The following ST7L variants were observed in gnomAD, a reference collection of about 807,000 sequenced individuals.
ST7L encodes suppressor of tumorigenicity 7 protein-like.
Under a neutral mutation model 72.5 loss-of-function variants are expected in ST7L, and 57 were observed. That is an observed-to-expected ratio of 0.79 (90% confidence interval 0.64 to 0.98). The LOEUF (loss-of-function observed/expected upper bound fraction) is 0.98. Ranked by LOEUF, ST7L falls within the 50% of genes least tolerant of loss-of-function variation. The pLI is 0.00. For missense variants in ST7L, 576 were observed against 672.2 expected (o/e 0.86, Z 1.58); for synonymous variants, 221 against 240.9 (o/e 0.92, Z 0.77).
At chr1:112,611,115 T>TC in intron 2 of ST7L, 112 bp from the exon 3 acceptor site, 1 of 1,018,092 alleles carries the variant, frequency 9.8e-7, no homozygotes, top group South Asian at 2.0e-5. Context: ...AAATGCACTC[T>TC]CCTTTCAAAA....
At chr1:112,615,515 A>G (rs1669734053) in intron 2 of ST7L, among the ~76,000 whole-genome samples, 3 of 152,162 alleles carry the variant, frequency 2.0e-5, no homozygotes, top group Non-Finnish European at 4.4e-5. Context: ...TGTTGCCAAT[A>G]TTAAAATGCT....
In ST7L at chr1:112,524,017, CAAAAAACAA is replaced by C. The variant is rs1245779204; in HGVS notation, c.*1987_*1995del. On this transcript the variant is annotated 3_prime_UTR_variant, in exon 15 of 15. Transcript: ENST00000358039. ...TCAGATTAAAAAAAAAAACAAAAAA[CAAAAAACAA>C]AAACAAACATTGCCTGGCCCTGAGG... 3 of 151,384 alleles carry C rather than the reference CAAAAAACAA, an allele frequency of 2.0e-5. No individual in the cohort carries two copies. In the East Asian group the frequency reaches 5.8e-4, roughly 30 times the overall value. The allele number at this position is 151,384 out of a possible 1,614,324, so 9.4% of individuals were successfully genotyped here. A position where few individuals can be genotyped will look rare whatever the true frequency, so the allele number is the denominator to read the frequency against.
At chr1:112,603,657 GC>G (rs1667773827) in intron 3 of ST7L, among the ~76,000 whole-genome samples, 1 of 152,148 alleles carries the variant, frequency 6.6e-6, no homozygotes, top group African/African-American at 2.4e-5. Flanking sequence ...AGCTCAGGCT[GC>G]CGTAACAAAA....
chr1:112,585,487 A>G (rs1664731500), intron 6 of ST7L, among the ~76,000 whole-genome samples: 1 of 152,246 alleles, frequency 6.6e-6, no homozygotes, highest in African/African-American at 2.4e-5. Flanking sequence ...TCATGCCTGT[A>G]ATCCCAGCAC....
intron 3 of ST7L, among the ~76,000 whole-genome samples, chr1:112,609,522 G>A (rs1356479191): frequency 7.5e-6 from 1 of 133,016 alleles, no homozygotes; most frequent in African/African-American, 2.9e-5. Context: ...CAGAGACTTC[G>A]TCTCAAAAAA....
rs189470945 is a variant in ST7L, at chr1:112,587,830, G to A, written c.701+3695C>T. On this transcript the variant is annotated intron_variant, in intron 6 of 14. Coordinates refer to ENST00000358039, the MANE Select transcript of ST7L (RefSeq NM_017744.5). ...GCAGTTCTGTATGAATTATAGGATC[G>A]CCTTGTCCATTTCTGCAGAAATGAT... 2.8e-4 allele frequency among the ~76,000 whole-genome samples: 43 copies of A among 152,184 alleles called. 1 individual carries two copies. The East Asian group carries it at 7.4e-3, about 26-fold the overall frequency.
chr1:112,559,926 C>T (rs143964087), intron 11 of ST7L, among the ~76,000 whole-genome samples: 2 of 151,604 alleles, frequency 1.3e-5, no homozygotes, highest in East Asian at 3.9e-4. Context: ...TGCAGTGAGC[C>T]GAGATCGTGC....
intron 13 of ST7L, among the ~76,000 whole-genome samples, chr1:112,545,242 T>G (rs1380046848): frequency 1.3e-5 from 2 of 151,738 alleles, no homozygotes; most frequent in Admixed American, 1.3e-4. Context: ...CTCTCCTACC[T>G]TCTGGAGTTT....
At chr1:112,549,150 T>C (rs552082663) in intron 13 of ST7L, among the ~76,000 whole-genome samples, 1 of 152,230 alleles carries the variant, frequency 6.6e-6, no homozygotes, top group Admixed American at 6.5e-5. Context: ...CCCAGCACTT[T>C]AGGAGGCTGA....
Position 112,567,330 on chromosome 1 carries a change from TTG to T in ST7L, c.1245+9654_1245+9655del, listed in dbSNP as rs544308654. 2.1e-4 allele frequency among the ~76,000 whole-genome samples: 32 copies of T among 152,298 alleles called. No individual in the cohort carries two copies. In the South Asian group the frequency reaches 6.6e-3, roughly 32 times the overall value. ...CAAGGCTTTTGCCCATTTTTTAATA[TTG>T]TGTTTTTTTATATGTATATATTTTG... is the stretch of plus-strand genomic sequence containing the variant. On this transcript the variant is annotated intron_variant, in intron 11 of 14. Transcript: ENST00000358039.
chr1:112,519,872 CT>C (rs71081244), downstream of ST7L, among the ~76,000 whole-genome samples: 22,712 of 115,412 alleles, frequency 0.2, 1,658 homozygotes, highest in East Asian at 0.42. Flanking sequence ...GCCCATGCTT[CT>C]TTTTTTTTTT....
Position 112,588,075 on chromosome 1 carries a change from T to C in ST7L, c.701+3450A>G, listed in dbSNP as rs540243443. 3.9e-5 allele frequency among the ~76,000 whole-genome samples: 6 copies of C among 152,354 alleles called. No homozygotes were observed. The South Asian group carries it at 6.2e-4, about 16-fold the overall frequency. ...CTGATGCTTTTGTAAATGGAATTGTTTTCTTAATTTCCTTTTCAGATTGTT... is the reference window on the plus strand; with the variant it reads ...CTGATGCTTTTGTAAATGGAATTGTCTTCTTAATTTCCTTTTCAGATTGTT... On this transcript the variant is annotated intron_variant, in intron 6 of 14. Transcript: ENST00000358039.
At chr1:112,568,773 G>T (rs1458199552) in intron 11 of ST7L, among the ~76,000 whole-genome samples, 1 of 149,012 alleles carries the variant, frequency 6.7e-6, no homozygotes. Flanking sequence ...ACTTCGGGAA[G>T]CTGAGGCAGG....
intron 1 of ST7L, among the ~76,000 whole-genome samples, chr1:112,617,717 T>TCTCA (rs3221199): frequency 4.4e-4 from 56 of 126,488 alleles, no homozygotes; most frequent in East Asian, 1.0e-3. Context: ...TTTCTCTCTC[T>TCTCA]CACACACACA....
intron 12 of ST7L, among the ~76,000 whole-genome samples, chr1:112,553,980 A>G (rs1467133087): frequency 6.6e-6 from 1 of 152,190 alleles, no homozygotes; most frequent in Non-Finnish European, 1.5e-5. Context: ...TCAGCCTCCC[A>G]AAGTGCTGAA....
intron 9 of ST7L, among the ~76,000 whole-genome samples, chr1:112,579,370 C>T (rs1417601218): frequency 2.8e-5 from 3 of 105,616 alleles, no homozygotes; most frequent in South Asian, 3.3e-4. Context: ...GGTGACAGTA[C>T]GAGACTCTGT....
intron 11 of ST7L, among the ~76,000 whole-genome samples, chr1:112,557,351 C>T (rs545663026): frequency 2.0e-5 from 3 of 152,222 alleles, no homozygotes; most frequent in East Asian, 3.9e-4. Context: ...CATTTTGTGA[C>T]TGGTTTCTTT....
At chr1:112,568,877 TATATATATATAA>T (rs1054269168) in intron 11 of ST7L, among the ~76,000 whole-genome samples, 4 of 140,064 alleles carry the variant, frequency 2.9e-5, no homozygotes, top group South Asian at 4.5e-4. Flanking sequence ...TATATATATA[TATATATATATAA>T]AACAAAAATT....
Position 112,541,335 on chromosome 1 carries a change from T to C in ST7L, c.1629+616A>G, listed in dbSNP as rs191804056. ...GGGATACCCACTCTAGTATCAGTCCTCAAGTGTTAACTGGTTCAGGAAATG... is the reference window on the plus strand; with the variant it reads ...GGGATACCCACTCTAGTATCAGTCCCCAAGTGTTAACTGGTTCAGGAAATG... On this transcript the variant is annotated intron_variant, in intron 14 of 14. Coordinates refer to ENST00000358039, the MANE Select transcript of ST7L (RefSeq NM_017744.5). Among the ~76,000 whole-genome samples, 17 of 151,564 alleles carry C rather than the reference T, an allele frequency of 1.1e-4. No homozygotes were observed. The East Asian group carries it at 3.3e-3, about 29-fold the overall frequency.
Sources: allele counts gnomAD v4.1 joint callset (sites outside exome capture counted in the v4.1 genomes callset), GRCh38; gene constraint gnomAD v4.1.1; transcripts MANE v1.5; gene names NCBI Gene and HGNC (gene_info 2026-07-23, HGNC 2026-07-21).